PCCB: variants seen among roughly 807,000 people sequenced by gnomAD.
The protein encoded by PCCB is propionyl-CoA carboxylase beta chain, mitochondrial.
PCCB carries 43 observed loss-of-function variants against 60.7 expected under a neutral mutation model. That is an observed-to-expected ratio of 0.71 (90% confidence interval 0.55 to 0.91). The LOEUF (loss-of-function observed/expected upper bound fraction) is 0.91. Among genes scored for constraint, PCCB ranks in the 40% least tolerant of loss-of-function variants. PCCB has a pLI of 0.00. For synonymous variants in PCCB, 276 were observed against 255.9 expected, an observed-to-expected ratio of 1.08 and a Z score of -0.75; for missense variants, 766 against 702.8, an observed-to-expected ratio of 1.09 and a Z score of -1.02.
chr3:136,262,089 TA>T, intron 5 of PCCB, 24 bp downstream of exon 5: 1 of 1,427,068 alleles, frequency 7.0e-7, no homozygotes, highest in East Asian at 2.5e-5. Flanking sequence ...TAATAGAGAA[TA>T]AAAAAATACA....
chr3:136,322,998 GTTTTT>G (rs35582341), intron 10 of PCCB, among the ~76,000 whole-genome samples: 2 of 121,326 alleles, frequency 1.6e-5, no homozygotes, highest in Non-Finnish European at 1.8e-5. Flanking sequence ...TAAATGATGA[GTTTTT>G]TTTTTTTTTT....
chr3:136,285,032 G>C (rs1344526587), intron 6 of PCCB, among the ~76,000 whole-genome samples: 1 of 149,468 alleles, frequency 6.7e-6, no homozygotes, highest in Non-Finnish European at 1.5e-5. Flanking sequence ...AGGCAGCAGT[G>C]AGCCAAGATC....
rs180740502 is a variant in PCCB at position 136,264,799 on chromosome 3, C to T, written c.543+2734C>T. 4.2e-3 allele frequency among the ~76,000 whole-genome samples: 561 copies of T among 134,416 alleles called. 1 individual carries two copies. Among genetic ancestry groups the T allele is most frequent in the Middle Eastern group, 0.019 (3 of 156 alleles). The allele number at this position is 134,416 out of a possible 152,430, so 88.2% of individuals were successfully genotyped here. A position where few individuals can be genotyped will look rare whatever the true frequency, so the allele number is the denominator to read the frequency against. ...CTGAGGCAGGAGAACGGCATGAACC[C>T]GGGAGGCAGAGCTTGCAGTCAGCCA... On this transcript the variant is annotated intron_variant, in intron 5 of 14. Coordinates refer to ENST00000251654, the MANE Select transcript of PCCB (RefSeq NM_000532.5).
Position 136,316,974 on chromosome 3 carries a change from C to A in PCCB, c.1000C>A (p.Pro334Thr). The change falls in exon 10 of 15, where the codon CCC becomes ACC. Residue 334 changes from proline (P) to threonine (T), a missense_variant. Pro to Thr is a conservative substitution (Grantham distance 38). Coordinates refer to ENST00000251654, the MANE Select transcript of PCCB (RefSeq NM_000532.5). ...TGAGCGTGAATTTTTTGAGATCATG[C>A]CCAATTATGCCAAGAACATCATTGT... Reference protein sequence around the residue: ...VDEREFFEIMPNYAKNIIVGF... With the variant: ...VDEREFFEIMTNYAKNIIVGF... 3 of 1,613,836 alleles carry A rather than the reference C, an allele frequency of 1.9e-6. No individual in the cohort carries two copies. The highest frequency in any genetic ancestry group is 1.7e-6 in the Non-Finnish European group (2 of 1,179,802).
intron 5 of PCCB, among the ~76,000 whole-genome samples, chr3:136,262,830 G>A (rs933728533): frequency 1.8e-4 from 27 of 152,246 alleles, no homozygotes; most frequent in African/African-American, 5.5e-4. Flanking sequence ...AGGCCTGGAA[G>A]TCATTCCTGT....
At chr3:136,312,284 G>A (rs2108220725) in intron 9 of PCCB, among the ~76,000 whole-genome samples, 1 of 152,348 alleles carries the variant, frequency 6.6e-6, no homozygotes, top group East Asian at 1.9e-4. Context: ...CTGTGGTATA[G>A]TCTGTTGCTC....
chr3:136,259,561 G>T (rs892655392), intron 3 of PCCB, among the ~76,000 whole-genome samples: 1 of 152,192 alleles, frequency 6.6e-6, no homozygotes, highest in African/African-American at 2.4e-5. Flanking sequence ...TTAATTCTGT[G>T]TGATAGGTTT....
intron 8 of PCCB, among the ~76,000 whole-genome samples, chr3:136,300,599 C>T (rs1229868909): frequency 2.0e-5 from 3 of 152,150 alleles, no homozygotes; most frequent in Non-Finnish European, 4.4e-5. Context: ...GGAATGTGAA[C>T]CCACAGTGGT....
At chr3:136,259,898 A>G (rs1941774959) in intron 3 of PCCB, among the ~76,000 whole-genome samples, 2 of 149,450 alleles carry the variant, frequency 1.3e-5, no homozygotes, top group African/African-American at 2.5e-5. Flanking sequence ...GATTACAGGC[A>G]CACACCACCA....
intron 5 of PCCB, among the ~76,000 whole-genome samples, chr3:136,265,405 T>G (rs1241202738): frequency 1.3e-5 from 2 of 152,244 alleles, no homozygotes; most frequent in East Asian, 3.8e-4. Context: ...CTTTCTTATT[T>G]TACAAATTTT....
chr3:136,261,129 G>A (rs1941810616), intron 4 of PCCB, among the ~76,000 whole-genome samples: 1 of 152,200 alleles, frequency 6.6e-6, no homozygotes, highest in African/African-American at 2.4e-5. Context: ...TTCAAGTGAA[G>A]AACCTCTTGT....
rs966385891 is a variant in PCCB at position 136,250,468 on chromosome 3, G to C, written c.93G>C (p.Gln31His). 7 of 1,611,202 alleles carry C rather than the reference G, an allele frequency of 4.3e-6. No individual in the cohort carries two copies. In the African/African-American group the frequency reaches 8.0e-5, roughly 18 times the overall value. The change falls in exon 1 of 15, where the codon CAG becomes CAC. Residue 31 changes from glutamine (Q) to histidine (H), a missense_variant. Gln to His is a conservative substitution (Grantham distance 24). Transcript: ENST00000251654. Reference protein sequence around the residue: ...LRAAVRSLCSQATSVNERIEN... With the variant: ...LRAAVRSLCSHATSVNERIEN... The stretch of plus-strand genomic sequence containing the variant: ...CCGCGGTCCGCAGCCTTTGCAGCCA[G>C]GCCACCTCTGTTAACGAACGCATCG...
intron 5 of PCCB, 49 bp downstream of exon 5, chr3:136,262,114 C>G: frequency 8.4e-7 from 1 of 1,189,426 alleles, no homozygotes; most frequent in Non-Finnish European, 1.2e-6. Context: ...CTTAAGTTCT[C>G]TAAGCCATGG....
rs59010681 is a variant in PCCB, at chr3:136,284,316, T to TGA, written c.654+369_654+370insGA. Among the ~76,000 whole-genome samples the TGA allele has an allele frequency of 0.78, 118,771 of 151,660 alleles. 46,612 individuals are homozygous for TGA. Among genetic ancestry groups the TGA allele is most frequent in the East Asian group, 0.86 (4,427 of 5,142 alleles). On this transcript the variant is annotated intron_variant, in intron 6 of 14. Coordinates refer to ENST00000251654, the MANE Select transcript of PCCB (RefSeq NM_000532.5). ...AATCTGTTTATTGGGAAGTTGTTTC[T>TGA]TCCTTTATTTCTTCAGCTCCTTGCC...
chr3:136,252,907 TG>T (rs138440522), intron 1 of PCCB, among the ~76,000 whole-genome samples: 23,360 of 98,002 alleles, frequency 0.24, 2,413 homozygotes, highest in South Asian at 0.35. Context: ...TTTTTTGTTT[TG>T]TTTTTTTTTT....
chr3:136,275,169 G>A (rs1197698404), intron 5 of PCCB, among the ~76,000 whole-genome samples: 1 of 152,076 alleles, frequency 6.6e-6, no homozygotes, highest in Non-Finnish European at 1.5e-5. Context: ...TAATTTGAAA[G>A]CCTTGTCTTG....
At chr3:136,322,243 T>C (rs1035193550) in intron 10 of PCCB, among the ~76,000 whole-genome samples, 2 of 152,248 alleles carry the variant, frequency 1.3e-5, no homozygotes, top group Non-Finnish European at 2.9e-5. Flanking sequence ...CTTTAGACTG[T>C]TGATATGATA....
At chr3:136,323,957 G>A (rs534851598) in intron 10 of PCCB, among the ~76,000 whole-genome samples, 192 of 149,394 alleles carry the variant, frequency 1.3e-3, no homozygotes, top group African/African-American at 4.1e-3. Flanking sequence ...ATGTGGTAAC[G>A]CTGGCAGTCA....
At chr3:136,273,605 T>TC (rs1289954436) in intron 5 of PCCB, among the ~76,000 whole-genome samples, 6 of 140,182 alleles carry the variant, frequency 4.3e-5, no homozygotes, top group Non-Finnish European at 9.2e-5. Context: ...TTCTTTTTTT[T>TC]TTTTTTTTTT....
Sources: gnomAD v4.1 joint callset for allele counts (sites outside exome capture counted in the v4.1 genomes callset) on GRCh38, gnomAD v4.1.1 for gene constraint, MANE v1.5 for transcripts, NCBI Gene and HGNC (gene_info 2026-07-23, HGNC 2026-07-21) for gene names.